CBLB: variants seen among roughly 807,000 people sequenced by gnomAD.
CBLB encodes E3 ubiquitin-protein ligase CBL-B.
CBLB carries 31 observed loss-of-function variants against 104.9 expected under a neutral mutation model. The observed-to-expected ratio is 0.30, with a 90% CI of 0.22 to 0.40. CBLB has a LOEUF of 0.40. Among genes scored for constraint, CBLB ranks in the 10% least tolerant of loss-of-function variants. The pLI is 1.00. For synonymous variants in CBLB, 440 were observed against 422.6 expected, an observed-to-expected ratio of 1.04 and a Z score of -0.51; for missense variants, 1,062 against 1,214.6, an observed-to-expected ratio of 0.87 and a Z score of 1.87.
intron 13 of CBLB, among the ~76,000 whole-genome samples, chr3:105,691,750 C>T (rs1322872023): frequency 2.0e-5 from 3 of 152,144 alleles, no homozygotes; most frequent in Non-Finnish European, 2.9e-5. Flanking sequence ...CTAAATATCT[C>T]GCAGTTCCAA....
intron 5 of CBLB, chr3:105,749,761 G>A: frequency 3.2e-6 from 1 of 316,000 alleles, no homozygotes. Flanking sequence ...AAAATTATCA[G>A]AAACCTTTAA....
chr3:105,725,116 T>C (rs1005658880), intron 9 of CBLB, among the ~76,000 whole-genome samples: 2 of 152,128 alleles, frequency 1.3e-5, no homozygotes, highest in Non-Finnish European at 2.9e-5. Context: ...ATTGCAAATA[T>C]CAAAATTAAA....
At chr3:105,867,071 T>C (rs181807698) in intron 2 of CBLB, among the ~76,000 whole-genome samples, 1 of 152,330 alleles carries the variant, frequency 6.6e-6, no homozygotes, top group Admixed American at 6.5e-5. Context: ...ACTCTTTTGT[T>C]ATCTAAGAGC....
At chr3:105,713,626 A>G (rs2071419758) in intron 10 of CBLB, among the ~76,000 whole-genome samples, 1 of 152,228 alleles carries the variant, frequency 6.6e-6, no homozygotes, top group Admixed American at 6.5e-5. Context: ...GACATCACAC[A>G]GCACTTGGAT....
intron 3 of CBLB, among the ~76,000 whole-genome samples, chr3:105,852,579 T>G (rs537902120): frequency 1.3e-5 from 2 of 152,268 alleles, no homozygotes; most frequent in South Asian, 4.1e-4. Context: ...TTTTATAAAT[T>G]TAGTGTAGCC....
chr3:105,868,799 C>A lies in CBLB; in HGVS notation c.-78G>T. 2.0e-6 allele frequency: 2 copies of A among 992,498 alleles called. No individual in the cohort carries two copies. The highest frequency in any genetic ancestry group is 2.4e-6 in the Non-Finnish European group (2 of 834,746). 61.5% of individuals were successfully genotyped at this position (992,498 alleles called of 1,614,324 possible). On this transcript the variant is annotated 5_prime_UTR_variant, in exon 1 of 19. Coordinates refer to ENST00000394030, the MANE Select transcript of CBLB (RefSeq NM_170662.5). ...CGGGTCCCACTCCACACGCACGCAGCCCAGTGTGTGTGGGGAGCCCCGGCT... is the reference window on the plus strand; with the variant it reads ...CGGGTCCCACTCCACACGCACGCAGACCAGTGTGTGTGGGGAGCCCCGGCT...
intron 3 of CBLB, among the ~76,000 whole-genome samples, chr3:105,829,379 C>T (rs2153074349): frequency 6.6e-6 from 1 of 152,248 alleles, no homozygotes; most frequent in East Asian, 1.9e-4. Context: ...CAGCTATCAG[C>T]TGGGTGTGGT....
At chr3:105,795,033 C>T (rs1397776465) in intron 3 of CBLB, among the ~76,000 whole-genome samples, 1 of 151,948 alleles carries the variant, frequency 6.6e-6, no homozygotes, top group African/African-American at 2.4e-5. Context: ...CCTGCCTCAG[C>T]CTCCCAAGTA....
rs1179968496 is a variant in CBLB, at chr3:105,764,665, T to C, written c.566+11731A>G. Among the ~76,000 whole-genome samples the C allele has an allele frequency of 2.0e-5, 3 of 152,182 alleles. No homozygotes were observed. In the East Asian group the frequency reaches 5.8e-4, roughly 29 times the overall value. On this transcript the variant is annotated intron_variant, in intron 4 of 18. Transcript: ENST00000394030. Reference sequence around the variant, plus strand: ...AGTGAAAGGAATAGTCACAAGTCTCTAATTATGGACATGATTAAGTTTAGT... The same window carrying C: ...AGTGAAAGGAATAGTCACAAGTCTCCAATTATGGACATGATTAAGTTTAGT...
At chr3:105,741,815 G>A (rs956141990) in intron 6 of CBLB, among the ~76,000 whole-genome samples, 6 of 152,132 alleles carry the variant, frequency 3.9e-5, no homozygotes, top group South Asian at 2.1e-4. Flanking sequence ...CACCGCACCC[G>A]GCCAACTGTT....
intron 3 of CBLB, among the ~76,000 whole-genome samples, chr3:105,815,201 T>A (rs1037952748): frequency 6.6e-6 from 1 of 152,188 alleles, no homozygotes; most frequent in Non-Finnish European, 1.5e-5. Context: ...ACTCCTTCAG[T>A]GCAGATTGAG....
At chr3:105,798,480 C>T (rs529672906) in intron 3 of CBLB, among the ~76,000 whole-genome samples, 27 of 152,212 alleles carry the variant, frequency 1.8e-4, no homozygotes, top group East Asian at 1.5e-3. Flanking sequence ...AATGTTGGCA[C>T]GTTACATTAT....
intron 12 of CBLB, among the ~76,000 whole-genome samples, chr3:105,694,349 G>A (rs1036026459): frequency 4.0e-5 from 6 of 151,826 alleles, no homozygotes; most frequent in Non-Finnish European, 7.4e-5. Flanking sequence ...AAAGGGGGGC[G>A]GTTATGAGAG....
intron 17 of CBLB, chr3:105,673,755 T>G (rs1006826357): frequency 6.6e-6 from 1 of 152,240 alleles, no homozygotes; most frequent in Non-Finnish European, 1.5e-5. Flanking sequence ...CTTTGTAGGA[T>G]GAATGCAATT....
At chr3:105,845,206 T>A (rs956861016) in intron 3 of CBLB, among the ~76,000 whole-genome samples, 1 of 152,048 alleles carries the variant, frequency 6.6e-6, no homozygotes, top group African/African-American at 2.4e-5. Context: ...CAGGAATATA[T>A]AAACATTTAA....
At chr3:105,739,905 C>CCA (rs2152876748) in intron 7 of CBLB, among the ~76,000 whole-genome samples, 1 of 152,214 alleles carries the variant, frequency 6.6e-6, no homozygotes, top group African/African-American at 2.4e-5. Flanking sequence ...GAAATTGAGG[C>CCA]CATCCTGGCT....
At position 105,656,021 on chromosome 3, in the gene CBLB, G is replaced by A. The variant is rs531460740; in HGVS notation, c.*2949C>T. On this transcript the variant is annotated 3_prime_UTR_variant, in exon 19 of 19. Coordinates refer to ENST00000394030, the MANE Select transcript of CBLB (RefSeq NM_170662.5). ...TTGCAATGTGGGCAAAAGGGAAACA[G>A]AGAGGGAAGAGCTGAAGGTTGTATT... The A allele has an allele frequency of 3.4e-4, 77 of 228,054 alleles. 1 individual carries two copies. The highest frequency in any genetic ancestry group is 1.7e-3 in the African/African-American group (76 of 45,182). The allele number at this position is 228,054 out of a possible 1,614,324, so 14.1% of individuals were successfully genotyped here.
intron 3 of CBLB, among the ~76,000 whole-genome samples, chr3:105,783,848 C>A (rs1369054569): frequency 2.0e-5 from 3 of 152,118 alleles, no homozygotes; most frequent in Non-Finnish European, 4.4e-5. Flanking sequence ...TGAATGGGGT[C>A]ATTCACATGG....
rs866190082 is a variant in CBLB at position 105,810,530 on chromosome 3, A to C, written c.420-33988T>G. On this transcript the variant is annotated intron_variant, in intron 3 of 18. Transcript: ENST00000394030. Reference sequence around the variant, plus strand: ...AACTTAAAGCATTTAGCGAAGAAATAGCTAAACTTCATAAGACTTTAATTC... The same window carrying C: ...AACTTAAAGCATTTAGCGAAGAAATCGCTAAACTTCATAAGACTTTAATTC... 9.2e-5 allele frequency among the ~76,000 whole-genome samples: 14 copies of C among 152,276 alleles called. 1 individual carries two copies. In the Middle Eastern group the frequency reaches 0.027, roughly 296 times the overall value.
Sources: gnomAD v4.1 joint callset for allele counts (sites outside exome capture counted in the v4.1 genomes callset) on GRCh38, gnomAD v4.1.1 for gene constraint, MANE v1.5 for transcripts, NCBI Gene and HGNC (gene_info 2026-07-23, HGNC 2026-07-21) for gene names.